Variants in IQSEC1 observed in about 807,000 individuals in gnomAD.
IQSEC1 encodes IQ motif and Sec7 domain ArfGEF 1.
Under a neutral mutation model 91.0 loss-of-function variants are expected in IQSEC1, and 31 were observed. The ratio of observed to expected loss-of-function variants is 0.34; its 90% confidence interval spans 0.26 to 0.46. The LOEUF (loss-of-function observed/expected upper bound fraction) is 0.46. Among genes scored for constraint, IQSEC1 ranks in the 20% least tolerant of loss-of-function variants. IQSEC1 has a pLI of 1.00. For synonymous variants in IQSEC1, 699 were observed against 662.6 expected (o/e 1.05, Z -0.84); for missense variants, 1,388 against 1,575.6 (o/e 0.88, Z 2.02).
intron 1 of IQSEC1, among the ~76,000 whole-genome samples, chr3:13,233,941 A>T (rs1223963458): frequency 1.3e-5 from 2 of 152,212 alleles, no homozygotes; most frequent in Admixed American, 6.5e-5. Context: ...TAAAATGTGC[A>T]AACTGTTCAG....
chr3:12,941,979 C>T, intron 1 of IQSEC1, 114 bp from the exon 2 acceptor site: 2 of 985,214 alleles, frequency 2.0e-6, no homozygotes, highest in Non-Finnish European at 2.9e-6. Flanking sequence ...GCCCGTTCTT[C>T]TCACACCCCA....
chr3:13,132,934 C>T (rs995695605), intron 2 of IQSEC1, among the ~76,000 whole-genome samples: 1 of 152,176 alleles, frequency 6.6e-6, no homozygotes, highest in Non-Finnish European at 1.5e-5. Flanking sequence ...CTGCTGAGTA[C>T]AGGAAGTAGG....
chr3:13,206,418 A>C (rs1205457648), intron 1 of IQSEC1, among the ~76,000 whole-genome samples: 1 of 152,140 alleles, frequency 6.6e-6, no homozygotes, highest in Non-Finnish European at 1.5e-5. Flanking sequence ...GAAAATGCAA[A>C]AGAACACCAC....
At chr3:13,233,418 C>T (rs1694868925) in intron 1 of IQSEC1, among the ~76,000 whole-genome samples, 1 of 152,232 alleles carries the variant, frequency 6.6e-6, no homozygotes, top group Non-Finnish European at 1.5e-5. Flanking sequence ...GCTTCAGGCC[C>T]CTGTTCTGGC....
chr3:12,915,864 C>T, intron 6 of IQSEC1, 131 bp from the exon 7 acceptor site: 2 of 1,027,108 alleles, frequency 1.9e-6, no homozygotes, highest in South Asian at 3.0e-5. Flanking sequence ...GGCAGGCCCA[C>T]AGCAACAGGA....
At chr3:12,939,940 G>A (rs1233447143) in intron 2 of IQSEC1, among the ~76,000 whole-genome samples, 1 of 152,150 alleles carries the variant, frequency 6.6e-6, no homozygotes, top group Non-Finnish European at 1.5e-5. Context: ...GCCTCGCCTT[G>A]GTCATGGGCA....
intron 2 of IQSEC1, among the ~76,000 whole-genome samples, chr3:13,097,717 A>C (rs551577733): frequency 3.0e-4 from 45 of 152,388 alleles, no homozygotes; most frequent in African/African-American, 1.1e-3. Flanking sequence ...TTGATGAGTA[A>C]GAATGAGGAG....
At chr3:13,185,506 C>A (rs1261382817) in intron 1 of IQSEC1, among the ~76,000 whole-genome samples, 2 of 152,230 alleles carry the variant, frequency 1.3e-5, no homozygotes, top group Admixed American at 1.3e-4. Context: ...GGGAGCACCT[C>A]AGCAGATATT....
At chr3:13,110,836 G>C (rs1478322584) in intron 2 of IQSEC1, among the ~76,000 whole-genome samples, 1 of 152,154 alleles carries the variant, frequency 6.6e-6, no homozygotes, top group Non-Finnish European at 1.5e-5. Context: ...GGTGAGTCGG[G>C]ACACCAATTA....
intron 1 of IQSEC1, among the ~76,000 whole-genome samples, chr3:12,966,072 TG>T (rs1283009577): frequency 1.3e-4 from 20 of 152,160 alleles, no homozygotes; most frequent in Admixed American, 1.2e-3. Flanking sequence ...TAATACCAGG[TG>T]GGACAGCTGA....
At chr3:13,240,384 A>C (rs1362296155) in intron 1 of IQSEC1, among the ~76,000 whole-genome samples, 3 of 152,128 alleles carry the variant, frequency 2.0e-5, no homozygotes, top group Non-Finnish European at 4.4e-5. Flanking sequence ...TAAATAAATG[A>C]ATAAATAAAA....
chr3:13,179,771 G>A (rs973654173), intron 1 of IQSEC1, among the ~76,000 whole-genome samples: 1 of 152,242 alleles, frequency 6.6e-6, no homozygotes, highest in Non-Finnish European at 1.5e-5. Context: ...GTGCGGGCGG[G>A]AACCGGGGCT....
At chr3:13,066,335 G>T (rs1429672569) in intron 1 of IQSEC1, among the ~76,000 whole-genome samples, 2 of 152,268 alleles carry the variant, frequency 1.3e-5, no homozygotes, top group Non-Finnish European at 2.9e-5. Context: ...GGCCCCTCAG[G>T]GATGCTAGAA....
intron 6 of IQSEC1, among the ~76,000 whole-genome samples, 157 bp downstream of exon 6, chr3:12,920,273 C>A (rs1304977617): frequency 6.6e-6 from 1 of 152,224 alleles, no homozygotes; most frequent in African/African-American, 2.4e-5. Context: ...TTCCAGTCAT[C>A]TGTGCTCCCC....
At chr3:12,956,103 G>A (rs773681203) in intron 1 of IQSEC1, among the ~76,000 whole-genome samples, 19 of 152,112 alleles carry the variant, frequency 1.2e-4, no homozygotes, top group South Asian at 2.1e-4. Flanking sequence ...CAGACAAAGC[G>A]AGGTGGCAGC....
chr3:13,233,659 G>A (rs574122226), intron 1 of IQSEC1, among the ~76,000 whole-genome samples: 188 of 152,278 alleles, frequency 1.2e-3, no homozygotes, highest in Non-Finnish European at 2.3e-3. Context: ...CCTCACAGCC[G>A]GGTGGGGATT....
At chr3:13,256,958 A>G (rs1234877831) in intron 1 of IQSEC1, among the ~76,000 whole-genome samples, 2 of 152,146 alleles carry the variant, frequency 1.3e-5, no homozygotes, top group African/African-American at 4.8e-5. Flanking sequence ...GCTCTGCCCC[A>G]TATCCCAGCC....
At position 13,063,002 on chromosome 3, in the gene IQSEC1, A is replaced by C. The variant is rs1576227634; in HGVS notation, c.23+9990T>G. 3.3e-5 allele frequency among the ~76,000 whole-genome samples: 5 copies of C among 152,330 alleles called. No homozygotes were observed. The South Asian group carries it at 1.0e-3, about 32-fold the overall frequency. On this transcript the variant is annotated intron_variant, in intron 1 of 13. Transcript: ENST00000613206. ...GTGTGGCAAGGTCACGCCATGGGAT[A>C]TAAAGGGGGACGGGCATCTCTGGCG...
intron 3 of IQSEC1, among the ~76,000 whole-genome samples, chr3:12,928,793 G>A (rs1445583978): frequency 6.6e-6 from 1 of 152,140 alleles, no homozygotes; most frequent in Non-Finnish European, 1.5e-5. Context: ...CTCCTGGCAG[G>A]ACTTTACTTT....
Sources: allele counts gnomAD v4.1 joint callset (sites outside exome capture counted in the v4.1 genomes callset), GRCh38; gene constraint gnomAD v4.1.1; transcripts MANE v1.5; gene names NCBI Gene and HGNC (gene_info 2026-07-23, HGNC 2026-07-21).